Variants in LUZP2 observed in about 807,000 individuals in gnomAD.
The protein encoded by LUZP2 is leucine zipper protein 2.
In LUZP2, 52 loss-of-function variants were observed where a neutral mutation model predicts 51.6. The ratio of observed to expected loss-of-function variants is 1.01; its 90% CI spans 0.81 to 1.27. LUZP2 has a LOEUF of 1.27. Ranked by LOEUF, LUZP2 falls within the 50% of genes most tolerant of loss-of-function variation. The pLI, the probability that LUZP2 is intolerant of heterozygous loss-of-function variation, is 0.00. For synonymous variants in LUZP2, 154 were observed against 137.3 expected (o/e 1.12, Z -0.85); for missense variants, 436 against 395.4 (o/e 1.10, Z -0.87).
chr11:24,664,666 T>C (rs979019709), intron 1 of LUZP2, among the ~76,000 whole-genome samples: 4 of 152,122 alleles, frequency 2.6e-5, no homozygotes, highest in Non-Finnish European at 5.9e-5. Flanking sequence ...GTTCCAGCCA[T>C]GCAAACAGGG....
At chr11:24,523,155 T>G (rs2133805838) in intron 1 of LUZP2, among the ~76,000 whole-genome samples, 1 of 152,170 alleles carries the variant, frequency 6.6e-6, no homozygotes, top group African/African-American at 2.4e-5. Context: ...GAATGTGCTT[T>G]TATTATATCC....
intron 7 of LUZP2, among the ~76,000 whole-genome samples, chr11:24,958,137 T>G (rs1461237489): frequency 6.6e-6 from 1 of 152,242 alleles, no homozygotes; most frequent in African/African-American, 2.4e-5. Flanking sequence ...CACATTTTCT[T>G]AATCCAGTCT....
rs151189858 is a variant in LUZP2, at chr11:24,998,021, A to T, written c.765+14728A>T. Among the ~76,000 whole-genome samples the T allele has an allele frequency of 1.6e-3, 250 of 152,302 alleles. 5 individuals are homozygous for T. In the East Asian group the frequency reaches 0.039, roughly 23 times the overall value. ...AGTACCATCCTGTTTGGGTTACTGT[A>T]GCCTTGTAATATAGTTTGAAGTCAG... is the stretch of plus-strand genomic sequence containing the variant. On this transcript the variant is annotated intron_variant, in intron 9 of 11. Transcript: ENST00000336930.
At chr11:24,855,930 A>C (rs1452333528) in intron 5 of LUZP2, among the ~76,000 whole-genome samples, 1 of 151,938 alleles carries the variant, frequency 6.6e-6, no homozygotes, top group Non-Finnish European at 1.5e-5. Flanking sequence ...GAAACTATGT[A>C]TCTTACCATA....
At chr11:24,749,194 C>T (rs1859488010) in intron 4 of LUZP2, among the ~76,000 whole-genome samples, 1 of 152,172 alleles carries the variant, frequency 6.6e-6, no homozygotes, top group Non-Finnish European at 1.5e-5. Context: ...CGGACCTGGG[C>T]TGGCACAAAG....
chr11:24,561,499 T>A (rs915946193), intron 1 of LUZP2, among the ~76,000 whole-genome samples: 5 of 152,076 alleles, frequency 3.3e-5, no homozygotes, highest in African/African-American at 1.2e-4. Flanking sequence ...GAATTACGAG[T>A]TCATGTCCTT....
At chr11:24,549,705 A>G (rs986696772) in intron 1 of LUZP2, among the ~76,000 whole-genome samples, 1 of 152,092 alleles carries the variant, frequency 6.6e-6, no homozygotes, top group African/African-American at 2.4e-5. Flanking sequence ...TTGTAATCTT[A>G]TGAGACTACC....
intron 7 of LUZP2, among the ~76,000 whole-genome samples, chr11:24,969,556 A>C (rs1296643564): frequency 6.6e-6 from 1 of 152,266 alleles, no homozygotes. Flanking sequence ...ACATCTTCAT[A>C]TTACTCTGCA....
At chr11:24,806,229 A>G (rs930881326) in intron 5 of LUZP2, among the ~76,000 whole-genome samples, 1 of 152,198 alleles carries the variant, frequency 6.6e-6, no homozygotes, top group African/African-American at 2.4e-5. Context: ...GATGCTCTGA[A>G]GTTGGAGCTT....
intron 10 of LUZP2, among the ~76,000 whole-genome samples, chr11:25,058,731 A>G (rs1590885147): frequency 6.6e-6 from 1 of 152,308 alleles, no homozygotes; most frequent in Admixed American, 6.5e-5. Context: ...TGATGTCAGA[A>G]CTTTCCTCCC....
intron 1 of LUZP2, among the ~76,000 whole-genome samples, chr11:24,518,457 C>T (rs1184293048): frequency 6.6e-6 from 1 of 152,004 alleles, no homozygotes; most frequent in Non-Finnish European, 1.5e-5. Context: ...GTGTTTTATC[C>T]TTTCTGTAAG....
chr11:24,911,002 G>C (rs1590719167), intron 6 of LUZP2, among the ~76,000 whole-genome samples: 1 of 152,164 alleles, frequency 6.6e-6, no homozygotes, highest in African/African-American at 2.4e-5. Context: ...AGCATAACCT[G>C]GATGTGAGAC....
intron 5 of LUZP2, among the ~76,000 whole-genome samples, chr11:24,841,600 GT>G (rs1851035620): frequency 6.6e-6 from 1 of 152,074 alleles, no homozygotes; most frequent in African/African-American, 2.4e-5. Flanking sequence ...TTATACACAT[GT>G]AACTTTAAAT....
intron 1 of LUZP2, among the ~76,000 whole-genome samples, chr11:24,673,303 A>T (rs150026586): frequency 6.6e-6 from 1 of 152,174 alleles, no homozygotes; most frequent in Non-Finnish European, 1.5e-5. Context: ...TCTTGTTGAC[A>T]AAAATGTCAT....
chr11:24,697,803 A>C (rs1282508457), intron 1 of LUZP2, among the ~76,000 whole-genome samples: 1 of 152,156 alleles, frequency 6.6e-6, no homozygotes, highest in Admixed American at 6.5e-5. Flanking sequence ...GGTTTCTCCT[A>C]CAGATAACAT....
intron 3 of LUZP2, among the ~76,000 whole-genome samples, chr11:24,734,345 G>T (rs972811667): frequency 7.1e-6 from 1 of 140,876 alleles, no homozygotes; most frequent in Non-Finnish European, 1.5e-5. Flanking sequence ...TGATTCACAT[G>T]ACACCAAAAA....
At chr11:24,711,166 TG>T (rs1180334615) in intron 1 of LUZP2, among the ~76,000 whole-genome samples, 1 of 152,190 alleles carries the variant, frequency 6.6e-6, no homozygotes, top group Non-Finnish European at 1.5e-5. Flanking sequence ...AAGGATTTTC[TG>T]GGCCTGGCGC....
At chr11:24,743,927 G>T (rs375668411) in intron 4 of LUZP2, among the ~76,000 whole-genome samples, 1 of 151,604 alleles carries the variant, frequency 6.6e-6, no homozygotes, top group Non-Finnish European at 1.5e-5. Context: ...GAGAATGCTT[G>T]TTCTGATGAG....
intron 5 of LUZP2, among the ~76,000 whole-genome samples, chr11:24,878,589 C>T (rs1030859308): frequency 6.6e-6 from 1 of 151,556 alleles, no homozygotes. Flanking sequence ...AATATCTTTC[C>T]CTAAGTTTGA....
Sources: allele counts gnomAD v4.1 joint callset (sites outside exome capture counted in the v4.1 genomes callset), GRCh38; gene constraint gnomAD v4.1.1; transcripts MANE v1.5; gene names NCBI Gene and HGNC (gene_info 2026-07-23, HGNC 2026-07-21).